The following TNFRSF8 variants were observed in gnomAD, a reference collection of about 807,000 sequenced individuals.
TNFRSF8 encodes the protein TNF receptor superfamily member 8, also known as tumor necrosis factor receptor superfamily member 8.
Under a neutral mutation model 70.8 loss-of-function variants are expected in TNFRSF8, and 26 were observed. That is an observed-to-expected ratio of 0.37 (90% CI 0.27 to 0.51). The LOEUF is 0.51. TNFRSF8 is among the 20% of genes least tolerant of loss of function. TNFRSF8 has a pLI of 0.94. For synonymous variants in TNFRSF8, 356 were observed against 339.2 expected (o/e 1.05, Z -0.54); for missense variants, 720 against 807.9 (o/e 0.89, Z 1.32).
rs1475085962 is a variant in TNFRSF8 at position 12,109,495 on chromosome 1, G to C, written c.422-71G>C. On this transcript the variant is annotated intron_variant, in intron 4 of 14. Coordinates refer to ENST00000263932, the MANE Select transcript of TNFRSF8 (RefSeq NM_001243.5). This position sits in a 1 kb window ranked among gnomAD's most constrained non-coding sequence, Gnocchi z 4.4. Reference sequence around the variant, plus strand: ...CCATCTCCGACTCTGGCCTGTGGTAGTGAAGGGTGTATTCCGGGAGACTTT... The same window carrying C: ...CCATCTCCGACTCTGGCCTGTGGTACTGAAGGGTGTATTCCGGGAGACTTT... 1 of 1,311,418 alleles carries C rather than the reference G, an allele frequency of 7.6e-7. No individual in the cohort carries two copies. Among genetic ancestry groups the C allele is most frequent in the African/African-American group, 1.4e-5 (1 of 69,218 alleles). 81.2% of individuals were successfully genotyped at this position (1,311,418 alleles called of 1,614,324 possible).
intron 2 of TNFRSF8, among the ~76,000 whole-genome samples, chr1:12,086,985 G>A (rs1372605532): frequency 5.9e-5 from 9 of 151,320 alleles, no homozygotes; most frequent in Non-Finnish European, 4.4e-5. Context: ...TAGCACCATC[G>A]CCTTCCCATA....
chr1:12,113,313 A>G lies in TNFRSF8; in HGVS notation c.793+1299A>G, dbSNP rs1014135684. Among the ~76,000 whole-genome samples the G allele has an allele frequency of 9.2e-5, 14 of 152,148 alleles. No individual in the cohort carries two copies. The South Asian group carries it at 2.9e-3, about 32-fold the overall frequency. ...TCATGGTCTGGTGGTTAGGTTCTAAAGGCGAAGTCTTTTTCTCTTTTTTTC... is the reference window on the plus strand; with the variant it reads ...TCATGGTCTGGTGGTTAGGTTCTAAGGGCGAAGTCTTTTTCTCTTTTTTTC... On this transcript the variant is annotated intron_variant, in intron 7 of 14. Transcript: ENST00000263932. The surrounding 1 kb of genome is among the most constrained non-coding windows in gnomAD (Gnocchi z 4.9).
rs1208357125 is a variant in TNFRSF8, at chr1:12,108,476, G to A, written c.422-1090G>A. Among the ~76,000 whole-genome samples the A allele has an allele frequency of 2.6e-5, 4 of 152,218 alleles. No homozygotes were observed. The highest frequency in any genetic ancestry group is 4.4e-5 in the Non-Finnish European group (3 of 68,046). The stretch of plus-strand genomic sequence containing the variant: ...ATGCAATGTGATGGGCACCTCACGT[G>A]CACTCTTCTGTTTATCCTGACGACA... On this transcript the variant is annotated intron_variant, in intron 4 of 14. Transcript: ENST00000263932. The surrounding 1 kb of genome is among the most constrained non-coding windows in gnomAD (Gnocchi z 4.0).
At chr1:12,071,041 C>T (rs1043522205) in intron 1 of TNFRSF8, among the ~76,000 whole-genome samples, 1 of 152,176 alleles carries the variant, frequency 6.6e-6, no homozygotes, top group African/African-American at 2.4e-5. Flanking sequence ...CAACCCAAGC[C>T]TAGGCTCTTT....
At chr1:12,073,436 CTCTTT>C in intron 1 of TNFRSF8, among the ~76,000 whole-genome samples, 1 of 151,510 alleles carries the variant, frequency 6.6e-6, no homozygotes, top group South Asian at 2.1e-4. Context: ...ATCTCTCTCT[CTCTTT>C]TCTTCCTTCC....
chr1:12,120,662 A>AT (rs1241423644), intron 8 of TNFRSF8, among the ~76,000 whole-genome samples: 1 of 151,956 alleles, frequency 6.6e-6, no homozygotes, highest in Non-Finnish European at 1.5e-5. Flanking sequence ...GGTAAATAAT[A>AT]TTTTTTTTAG....
In TNFRSF8 at chr1:12,115,619, G is replaced by T; in HGVS notation, c.836G>T (p.Arg279Leu). The part of the protein sequence containing the change: ...EKTPCAWNSS[R>L]TCECRPGMIC... ...ACGCCATGTGCATGGAACTCCTCCC[G>T]CACCTGCGAATGTCGACCTGGCATG... is the stretch of plus-strand genomic sequence containing the variant. The change falls in exon 8 of 15, where the codon CGC becomes CTC. Residue 279 changes from arginine (R) to leucine (L), a missense_variant. Physicochemically the swap from Arg to Leu is moderately radical, Grantham distance 102 (BLOSUM62 -2). Coordinates refer to ENST00000263932, the MANE Select transcript of TNFRSF8 (RefSeq NM_001243.5). The T allele has an allele frequency of 6.2e-7, 1 of 1,614,126 alleles. No homozygotes were observed. Among genetic ancestry groups the T allele is most frequent in the Middle Eastern group, 1.6e-4 (1 of 6,062 alleles).
At chr1:12,098,218 A>G (rs1367727336) in intron 3 of TNFRSF8, among the ~76,000 whole-genome samples, 1 of 152,212 alleles carries the variant, frequency 6.6e-6, no homozygotes, top group Non-Finnish European at 1.5e-5. Flanking sequence ...AGAAGTAGCA[A>G]AGGTTAAAAA....
In TNFRSF8 at chr1:12,126,243, G is replaced by A. The variant is rs1557601545; in HGVS notation, c.1309+7G>A. Reference sequence around the variant, plus strand: ...CCCAAGCTAGAGCTTGTGGGTGAGTGTCCAGCCGTCCAAAGGGGCTGCCCG... The same window carrying A: ...CCCAAGCTAGAGCTTGTGGGTGAGTATCCAGCCGTCCAAAGGGGCTGCCCG... On this transcript the variant is annotated splice_region_variant and intron_variant, in intron 12 of 14. Transcript: ENST00000263932. 3 of 1,614,110 alleles carry A rather than the reference G, an allele frequency of 1.9e-6. No homozygotes were observed. Among genetic ancestry groups the A allele is most frequent in the Non-Finnish European group, 2.5e-6 (3 of 1,180,022 alleles).
At chr1:12,128,576 G>A (rs1641986014) in intron 12 of TNFRSF8, among the ~76,000 whole-genome samples, 2 of 152,212 alleles carry the variant, frequency 1.3e-5, no homozygotes, top group South Asian at 4.1e-4. Context: ...TTCGTTTAAG[G>A]CCACGTGCTG....
At chr1:12,135,104 A>G (rs1642120170) in intron 12 of TNFRSF8, among the ~76,000 whole-genome samples, 1 of 152,066 alleles carries the variant, frequency 6.6e-6, no homozygotes, top group Non-Finnish European at 1.5e-5. Flanking sequence ...TCAGGAGGTC[A>G]GGAGTTTGAG....
rs554609522 is a variant in TNFRSF8, at chr1:12,063,773, A to T, written c.63+112A>T. The T allele has an allele frequency of 5.8e-6, 6 of 1,037,888 alleles. No individual in the cohort carries two copies. The South Asian group carries it at 2.9e-4, about 50-fold the overall frequency. The allele number at this position is 1,037,888 out of a possible 1,614,324, so 64.3% of individuals were successfully genotyped here. A position where few individuals can be genotyped will look rare whatever the true frequency, so the allele number is the denominator to read the frequency against. ...CTCACCCCGTTCCCTGCCCAGCTGGAGTGAGGGGGCGCGGGTGACAAGCAG... is the reference window on the plus strand; with the variant it reads ...CTCACCCCGTTCCCTGCCCAGCTGGTGTGAGGGGGCGCGGGTGACAAGCAG... On this transcript the variant is annotated intron_variant, in intron 1 of 14. Coordinates refer to ENST00000263932, the MANE Select transcript of TNFRSF8 (RefSeq NM_001243.5). This position sits in a 1 kb window ranked among gnomAD's most constrained non-coding sequence, Gnocchi z 7.2.
rs938393743 is a variant in TNFRSF8, at chr1:12,143,491, C to T, written c.*960C>T. ...GAAGAAGCATCTTCCTTAGGTCTGC[C>T]CTGCTTGCAAATCCACTAGCACCGA... On this transcript the variant is annotated 3_prime_UTR_variant, in exon 15 of 15. Transcript: ENST00000263932. This position sits in a 1 kb window ranked among gnomAD's most constrained non-coding sequence, Gnocchi z 4.1. The T allele has an allele frequency of 6.6e-6, 1 of 152,322 alleles. No individual in the cohort carries two copies. Among genetic ancestry groups the T allele is most frequent in the African/African-American group, 2.4e-5 (1 of 41,442 alleles). 9.4% of individuals were successfully genotyped at this position (152,322 alleles called of 1,614,324 possible). A position where few individuals can be genotyped will look rare whatever the true frequency, so the allele number is the denominator to read the frequency against.
intron 3 of TNFRSF8, among the ~76,000 whole-genome samples, chr1:12,100,391 ATAAAT>A (rs1158636569): frequency 3.3e-5 from 5 of 152,134 alleles, no homozygotes; most frequent in East Asian, 1.9e-4. Context: ...TTCTTCAATA[ATAAAT>A]TAAACAACTT....
At chr1:12,073,562 C>CTTTCCT (rs1171614722) in intron 1 of TNFRSF8, among the ~76,000 whole-genome samples, 1 of 148,896 alleles carries the variant, frequency 6.7e-6, no homozygotes, top group Non-Finnish European at 1.5e-5. Context: ...TTCCCTTTCC[C>CTTTCCT]TTTCCTTTTC....
Position 12,110,346 on chromosome 1 carries a change from C to A in TNFRSF8, c.676+142C>A. ...AGAGAAGACGGTGGTAAGGTATGAT[C>A]TAGGGCTGAAAGCATTGAGGGGCAG... On this transcript the variant is annotated intron_variant, in intron 6 of 14. Transcript: ENST00000263932. This position sits in a 1 kb window ranked among gnomAD's most constrained non-coding sequence, Gnocchi z 4.0. 1 of 899,570 alleles carries A rather than the reference C, an allele frequency of 1.1e-6. No homozygotes were observed. The highest frequency in any genetic ancestry group is 1.6e-6 in the Non-Finnish European group (1 of 623,332). 55.7% of individuals were successfully genotyped at this position (899,570 alleles called of 1,614,324 possible).
chr1:12,084,777 C>T (rs1316564174), intron 2 of TNFRSF8, among the ~76,000 whole-genome samples: 2 of 152,182 alleles, frequency 1.3e-5, no homozygotes, highest in Admixed American at 6.5e-5. Context: ...ATGTCCATCT[C>T]CATGAGTTTT....
At chr1:12,069,098 C>T (rs1640791553) in intron 1 of TNFRSF8, among the ~76,000 whole-genome samples, 3 of 149,286 alleles carry the variant, frequency 2.0e-5, no homozygotes, top group African/African-American at 7.4e-5. Context: ...GTCTCTAACT[C>T]CTGACCTCGT....
At chr1:12,130,623 A>G (rs993851171) in intron 12 of TNFRSF8, among the ~76,000 whole-genome samples, 6 of 152,224 alleles carry the variant, frequency 3.9e-5, no homozygotes, top group African/African-American at 1.4e-4. Flanking sequence ...GTGGAGAATA[A>G]CAGGGATGGA....
Sources: allele counts gnomAD v4.1 joint callset (sites outside exome capture counted in the v4.1 genomes callset), GRCh38; gene constraint gnomAD v4.1.1; non-coding constraint Gnocchi (gnomAD v3.1); transcripts MANE v1.5; gene names NCBI Gene and HGNC (gene_info 2026-07-23, HGNC 2026-07-21).